The following IGSF11 variants were observed in gnomAD, a reference collection of about 807,000 sequenced individuals.
The protein encoded by IGSF11 is CXADR like 1.
IGSF11 carries 22 observed loss-of-function variants against 41.0 expected under a neutral mutation model. The observed-to-expected ratio is 0.54, with a 90% CI of 0.38 to 0.77. The LOEUF is 0.77. Ranked by LOEUF, IGSF11 falls within the 30% of genes least tolerant of loss-of-function variation. The pLI is 0.00. For synonymous variants in IGSF11, 219 were observed against 201.3 expected (o/e 1.09, Z -0.74); for missense variants, 444 against 530.8 (o/e 0.84, Z 1.61).
At chr3:118,965,109 A>C (rs972022908) in intron 1 of IGSF11, among the ~76,000 whole-genome samples, 41 of 152,286 alleles carry the variant, frequency 2.7e-4, no homozygotes, top group African/African-American at 9.6e-4. Flanking sequence ...AGAATCATTT[A>C]AAAATCTGAT....
At chr3:118,965,512 T>C in intron 1 of IGSF11, among the ~76,000 whole-genome samples, 1 of 151,322 alleles carries the variant, frequency 6.6e-6, no homozygotes, top group East Asian at 1.9e-4. Context: ...GTAAACACAG[T>C]CATCTTATGC....
intron 1 of IGSF11, among the ~76,000 whole-genome samples, chr3:119,064,133 A>G (rs1942144141): frequency 1.3e-5 from 2 of 152,240 alleles, no homozygotes; most frequent in Admixed American, 6.5e-5. Context: ...CACAGATCAG[A>G]GACTACAACA....
chr3:119,099,641 T>C (rs889235274), intron 1 of IGSF11, among the ~76,000 whole-genome samples: 6 of 152,214 alleles, frequency 3.9e-5, no homozygotes, highest in Non-Finnish European at 8.8e-5. Flanking sequence ...TAGTCAGGTA[T>C]AGCTGCAGTG....
chr3:118,953,971 T>TGGAA (rs1944777378), intron 1 of IGSF11, among the ~76,000 whole-genome samples: 1 of 152,166 alleles, frequency 6.6e-6, no homozygotes, highest in African/African-American at 2.4e-5. Context: ...CATGAGGTCC[T>TGGAA]TCCCTAAGCC....
At chr3:119,043,412 G>A (rs1941198443) in intron 1 of IGSF11, among the ~76,000 whole-genome samples, 1 of 152,114 alleles carries the variant, frequency 6.6e-6, no homozygotes, top group Admixed American at 6.5e-5. Context: ...GGTGGATGTG[G>A]TCACCTTCCC....
chr3:119,037,444 A>G (rs933180682), upstream of IGSF11, among the ~76,000 whole-genome samples: 1 of 152,148 alleles, frequency 6.6e-6, no homozygotes, highest in Admixed American at 6.5e-5. Flanking sequence ...CTGCCCCACC[A>G]TGATCACTAC....
intron 4 of IGSF11, among the ~76,000 whole-genome samples, chr3:118,920,004 G>T (rs878884476): frequency 2.2e-5 from 3 of 135,058 alleles, no homozygotes; most frequent in South Asian, 2.6e-4. Flanking sequence ...GTAAACTATC[G>T]CAAGAACAAA....
intron 1 of IGSF11, among the ~76,000 whole-genome samples, chr3:119,033,693 T>C (rs1940633681): frequency 1.3e-5 from 2 of 151,846 alleles, no homozygotes; most frequent in South Asian, 2.1e-4. Flanking sequence ...ATAACATCCT[T>C]CAGAAAAAAA....
Position 119,058,518 on chromosome 3 carries a change from T to C in IGSF11, c.49+46626A>G, listed in dbSNP as rs548628849. 8.7e-3 allele frequency among the ~76,000 whole-genome samples: 1,317 copies of C among 152,180 alleles called. 24 individuals carry two copies. The highest frequency in any genetic ancestry group is 0.03 in the African/African-American group (1,240 of 41,530). On this transcript the variant is annotated intron_variant, in intron 1 of 6. Coordinates refer to the IGSF11 transcript ENST00000354673. ...TGGAGAAATAAGAACACTTTTACAC[T>C]GTTGGTGGGACTGTAAACTAGTTCA...
chr3:119,060,651 T>C (rs557819477), intron 1 of IGSF11, among the ~76,000 whole-genome samples: 2 of 152,174 alleles, frequency 1.3e-5, no homozygotes, highest in Non-Finnish European at 2.9e-5. Flanking sequence ...AACTGCATAG[T>C]CAAGATGATA....
At chr3:118,938,600 G>A (rs2107551845) in intron 1 of IGSF11, among the ~76,000 whole-genome samples, 1 of 152,306 alleles carries the variant, frequency 6.6e-6, no homozygotes, top group Non-Finnish European at 1.5e-5. Flanking sequence ...ACTCAAAACT[G>A]ACTTCAGAGA....
intron 1 of IGSF11, among the ~76,000 whole-genome samples, chr3:118,936,302 T>C (rs997646342): frequency 6.6e-6 from 1 of 151,392 alleles, no homozygotes; most frequent in Non-Finnish European, 1.5e-5. Flanking sequence ...AGGTCGGGAG[T>C]TCGAGACCAG....
chr3:118,992,719 A>G (rs1381274388), intron 1 of IGSF11, among the ~76,000 whole-genome samples: 1 of 152,242 alleles, frequency 6.6e-6, no homozygotes, highest in Non-Finnish European at 1.5e-5. Context: ...GAAATAGGCA[A>G]AAGAAATTTC....
chr3:119,133,556 T>G (rs186183718), intron 1 of IGSF11, among the ~76,000 whole-genome samples: 13 of 152,242 alleles, frequency 8.5e-5, no homozygotes, highest in Admixed American at 2.6e-4. Context: ...AATAACAGGT[T>G]CTGAAATTGA....
At chr3:118,966,466 C>T (rs1322705356) in intron 1 of IGSF11, among the ~76,000 whole-genome samples, 1 of 152,146 alleles carries the variant, frequency 6.6e-6, no homozygotes. Context: ...TTATATTCTA[C>T]ATAAGCTAAA....
intron 2 of IGSF11, among the ~76,000 whole-genome samples, chr3:118,929,540 G>A (rs925259546): frequency 6.6e-6 from 1 of 152,124 alleles, no homozygotes; most frequent in Non-Finnish European, 1.5e-5. Flanking sequence ...TTAACTTCCT[G>A]AGCATTATTT....
At chr3:119,056,383 A>G (rs549500534) in intron 1 of IGSF11, among the ~76,000 whole-genome samples, 2 of 152,344 alleles carry the variant, frequency 1.3e-5, no homozygotes, top group East Asian at 3.9e-4. Flanking sequence ...AGAAATGGAT[A>G]AATTCCTCGA....
At chr3:119,005,364 C>A (rs1440160450) in intron 1 of IGSF11, among the ~76,000 whole-genome samples, 1 of 150,280 alleles carries the variant, frequency 6.7e-6, no homozygotes, top group African/African-American at 2.5e-5. Flanking sequence ...TGTCTCTGCA[C>A]GTGAGATGGG....
At chr3:118,920,145 G>A (rs1450927655) in intron 4 of IGSF11, among the ~76,000 whole-genome samples, 1 of 145,862 alleles carries the variant, frequency 6.9e-6, no homozygotes, top group Non-Finnish European at 1.5e-5. Flanking sequence ...AGCATTGGGA[G>A]ATATACCTAA....
Sources: allele counts gnomAD v4.1 joint callset (sites outside exome capture counted in the v4.1 genomes callset), GRCh38; gene constraint gnomAD v4.1.1; transcripts MANE v1.5; gene names NCBI Gene and HGNC (gene_info 2026-07-23, HGNC 2026-07-21).